The following CUL2 variants were observed in gnomAD, a reference collection of about 807,000 sequenced individuals.
The protein encoded by CUL2 is cullin-2.
A neutral mutation model predicts 110.2 loss-of-function variants in CUL2; 22 were observed. The observed-to-expected ratio is 0.20, with a 90% CI of 0.14 to 0.28. The LOEUF is 0.28. Among genes scored for constraint, CUL2 ranks in the 10% least tolerant of loss-of-function variants. The probability of loss-of-function intolerance (pLI) is 1.00; values close to 1 mark genes in which losing one functional copy is unlikely to be tolerated. For synonymous variants in CUL2, 279 were observed against 293.2 expected, an observed-to-expected ratio of 0.95 and a Z score of 0.49; for missense variants, 631 against 905.5, an observed-to-expected ratio of 0.70 and a Z score of 3.89.
At chr10:35,054,645 A>G in intron 4 of CUL2, 106 bp from the exon 5 acceptor site, 1 of 554,888 alleles carries the variant, frequency 1.8e-6, no homozygotes, top group East Asian at 3.1e-5. Context: ...TAAGCCATGG[A>G]ATAGCCTACT....
At chr10:35,098,650 G>A (rs992282026) in intron 2 of CUL2, among the ~76,000 whole-genome samples, 3 of 152,150 alleles carry the variant, frequency 2.0e-5, no homozygotes, top group African/African-American at 7.2e-5. Flanking sequence ...AAATAAGCAG[G>A]CGGGGCACAG....
chr10:35,092,673 T>C (rs1274819534), upstream of CUL2, among the ~76,000 whole-genome samples: 1 of 152,202 alleles, frequency 6.6e-6, no homozygotes, highest in East Asian at 1.9e-4. Context: ...TGATTTAATC[T>C]TGCTTCTGAC....
At chr10:35,083,509 C>A (rs1451802581) in intron 1 of CUL2, among the ~76,000 whole-genome samples, 2 of 152,120 alleles carry the variant, frequency 1.3e-5, no homozygotes. Flanking sequence ...AACCAGAGCT[C>A]CTCCTTGGAA....
At chr10:35,061,767 G>A (rs935063920) in intron 3 of CUL2, among the ~76,000 whole-genome samples, 1 of 146,670 alleles carries the variant, frequency 6.8e-6, no homozygotes, top group Non-Finnish European at 1.5e-5. Context: ...TTACTTATGA[G>A]GGTTTTTTTT....
intron 4 of CUL2, among the ~76,000 whole-genome samples, chr10:35,056,245 A>T (rs953237599): frequency 6.6e-6 from 1 of 152,240 alleles, no homozygotes; most frequent in Non-Finnish European, 1.5e-5. Flanking sequence ...ATAAATGGAT[A>T]ACATTCCAGA....
chr10:35,126,832 C>T (rs1180924449), upstream of CUL2: 1 of 152,350 alleles, frequency 6.6e-6, no homozygotes, highest in Admixed American at 6.5e-5. Flanking sequence ...GCCGCCCCTC[C>T]CCGGTTCCAT....
chr10:35,112,475 A>T (rs1201104967), intron 1 of CUL2, among the ~76,000 whole-genome samples: 1 of 152,176 alleles, frequency 6.6e-6, no homozygotes, highest in Non-Finnish European at 1.5e-5. Context: ...CTCTCTGGCT[A>T]AGTTGAGGAG....
chr10:35,093,886 T>C (rs1373605921), upstream of CUL2, among the ~76,000 whole-genome samples: 2 of 152,088 alleles, frequency 1.3e-5, no homozygotes, highest in Non-Finnish European at 2.9e-5. Context: ...CCTTTTCCTC[T>C]GATCAAATTT....
rs566782463 is a variant in CUL2, at chr10:35,043,330, A to G, written c.714+1236T>C. Among the ~76,000 whole-genome samples the G allele has an allele frequency of 2.8e-4, 43 of 151,602 alleles. 1 individual carries two copies. Among genetic ancestry groups the G allele is most frequent in the African/African-American group, 9.8e-4 (40 of 40,884 alleles). ...AAAGTCTAAGGTGCAATAAGGGCTAAGAGCTTAGAACCACTGATCTAGTGT... is the reference window on the plus strand; with the variant it reads ...AAAGTCTAAGGTGCAATAAGGGCTAGGAGCTTAGAACCACTGATCTAGTGT... On this transcript the variant is annotated intron_variant, in intron 8 of 20. Transcript: ENST00000374749.
At chr10:35,059,816 C>T (rs1017996270) in intron 4 of CUL2, among the ~76,000 whole-genome samples, 1 of 152,166 alleles carries the variant, frequency 6.6e-6, no homozygotes, top group Non-Finnish European at 1.5e-5. Context: ...GCTGAGTGAC[C>T]TTCAACAAAA....
chr10:35,074,315 T>A (rs909285896), intron 1 of CUL2: 7 of 819,414 alleles, frequency 8.5e-6, no homozygotes, highest in East Asian at 7.9e-5. Flanking sequence ...CTCCTCCTGG[T>A]ACTCCCTACT....
intron 6 of CUL2, among the ~76,000 whole-genome samples, chr10:35,049,359 C>T (rs1437605559): frequency 1.3e-5 from 2 of 152,158 alleles, no homozygotes; most frequent in Non-Finnish European, 2.9e-5. Context: ...GTACAAGCAA[C>T]TCAGGGCACT....
rs5784437 is a variant in CUL2, at chr10:35,011,211, AT to A, written c.2106+636del. Among the ~76,000 whole-genome samples, 452 of 133,718 alleles carry A rather than the reference AT, an allele frequency of 3.4e-3. 1 individual carries two copies. The highest frequency in any genetic ancestry group is 8.4e-3 in the African/African-American group (273 of 32,474). 87.7% of individuals were successfully genotyped at this position (133,718 alleles called of 152,430 possible). ...AACTGGCTAATTTTTTAATTTTTTA[AT>A]TTTTTTTTTTTTTTTTTTTTAGGTG... On this transcript the variant is annotated intron_variant, in intron 20 of 20. Coordinates refer to ENST00000374749, the MANE Select transcript of CUL2 (RefSeq NM_003591.4).
At chr10:35,126,804 C>T (rs901411256), upstream of CUL2, 5 of 152,362 alleles carry the variant, frequency 3.3e-5, no homozygotes, top group Non-Finnish European at 7.3e-5. Context: ...GGCCCCGCCC[C>T]CTGACCCGCA....
At position 35,009,117 on chromosome 10, in the gene CUL2, G is replaced by C. The variant is rs553341066; in HGVS notation, c.*1194C>G. The C allele has an allele frequency of 1.3e-5, 2 of 149,308 alleles. No homozygotes were observed. The highest frequency in any genetic ancestry group is 4.9e-5 in the African/African-American group (2 of 40,646). 9.2% of individuals were successfully genotyped at this position (149,308 alleles called of 1,614,324 possible). On this transcript the variant is annotated 3_prime_UTR_variant, in exon 21 of 21. Transcript: ENST00000374749. ...TTGAGGGAGGAGGGGTGTGGTGGTG[G>C]TGGTGATGGTGTGGATAGACAATAA...
intron 1 of CUL2, among the ~76,000 whole-genome samples, chr10:35,075,207 C>A (rs1427098779): frequency 6.6e-6 from 1 of 152,138 alleles, no homozygotes; most frequent in Non-Finnish European, 1.5e-5. Context: ...GTGAAACACA[C>A]CAAAAACTGA....
chr10:35,090,736 G>A (rs2087190754), upstream of CUL2: 1 of 152,464 alleles, frequency 6.6e-6, no homozygotes. Context: ...TCCTTGCTGG[G>A]CTTGCTGTCA....
chr10:35,012,025 C>A, intron 19 of CUL2, 61 bp from the exon 20 acceptor site: 78 of 849,212 alleles, frequency 9.2e-5, no homozygotes, highest in Non-Finnish European at 1.3e-4. Flanking sequence ...AACTTGTTTT[C>A]AATTCATTTT....
chr10:35,039,450 AAAAT>A (rs2085720240), intron 8 of CUL2, among the ~76,000 whole-genome samples: 1 of 152,264 alleles, frequency 6.6e-6, no homozygotes, highest in Non-Finnish European at 1.5e-5. Flanking sequence ...ATCAAACTAA[AAAAT>A]AAATTATATT....
Sources: allele counts gnomAD v4.1 joint callset (sites outside exome capture counted in the v4.1 genomes callset), GRCh38; gene constraint gnomAD v4.1.1; transcripts MANE v1.5; gene names NCBI Gene and HGNC (gene_info 2026-07-23, HGNC 2026-07-21).